RBM46: variants seen among roughly 807,000 people sequenced by gnomAD.
RBM46 encodes probable RNA-binding protein 46.
In RBM46, 12 loss-of-function variants were observed where a neutral mutation model predicts 43.3. The observed-to-expected ratio is 0.28, with a 90% CI of 0.18 to 0.45. The LOEUF (loss-of-function observed/expected upper bound fraction) is 0.45. Ranked by LOEUF, RBM46 falls within the 20% of genes least tolerant of loss-of-function variation. The pLI is 1.00. For synonymous variants in RBM46, 205 were observed against 207.6 expected (o/e 0.99, Z 0.11); for missense variants, 412 against 639.1 (o/e 0.64, Z 3.83).
At chr4:154,795,949 G>A (rs1734331285) in intron 1 of RBM46, among the ~76,000 whole-genome samples, 1 of 152,102 alleles carries the variant, frequency 6.6e-6, no homozygotes, top group African/African-American at 2.4e-5. Context: ...CTTGAGCTCA[G>A]GAGTTTGAGA....
chr4:154,800,521 A>G (rs1311207008), intron 4 of RBM46, among the ~76,000 whole-genome samples: 1 of 152,220 alleles, frequency 6.6e-6, no homozygotes, highest in African/African-American at 2.4e-5. Flanking sequence ...AAGATATGCT[A>G]ACTAAATATT....
chr4:154,808,564 A>G (rs1735025802), intron 4 of RBM46, among the ~76,000 whole-genome samples: 1 of 151,828 alleles, frequency 6.6e-6, no homozygotes, highest in Admixed American at 6.6e-5. Context: ...ATGTATGTGG[A>G]CGGCTTTTTT....
chr4:154,807,917 T>C (rs934337716), intron 4 of RBM46, among the ~76,000 whole-genome samples: 23 of 152,116 alleles, frequency 1.5e-4, no homozygotes, highest in African/African-American at 3.8e-4. Context: ...GGCCTGCATA[T>C]GAAATTTTAT....
intron 1 of RBM46, among the ~76,000 whole-genome samples, chr4:154,783,089 A>C (rs1733582348): frequency 6.6e-6 from 1 of 152,136 alleles, no homozygotes; most frequent in African/African-American, 2.4e-5. Context: ...CTTTGTTTGC[A>C]TCTGTCTGCA....
At chr4:154,790,125 C>T (rs999582441) in intron 1 of RBM46, among the ~76,000 whole-genome samples, 9 of 152,158 alleles carry the variant, frequency 5.9e-5, no homozygotes, top group Admixed American at 2.6e-4. Context: ...AAACCAGCTC[C>T]TGGGTTCATT....
chr4:154,820,267 G>T, intron 4 of RBM46: 1 of 698,656 alleles, frequency 1.4e-6, no homozygotes, highest in South Asian at 2.7e-5. Flanking sequence ...TGATCAAAAG[G>T]TTTTTAACTA....
In RBM46 at chr4:154,796,046, C is replaced by T. The variant is rs576571174; in HGVS notation, c.-11-696C>T. ...AGCCAGGCATGGTGGTGTGTGCCTG[C>T]AGTCCCAGCTACTTGGGGGACTGAG... On this transcript the variant is annotated intron_variant, in intron 1 of 4. Coordinates refer to ENST00000281722, the MANE Select transcript of RBM46 (RefSeq NM_144979.5). Among the ~76,000 whole-genome samples, 8 of 152,178 alleles carry T rather than the reference C, an allele frequency of 5.3e-5. No individual in the cohort carries two copies. The South Asian group carries it at 1.7e-3, about 32-fold the overall frequency.
At position 154,798,106 on chromosome 4, in the gene RBM46, C is replaced by A; in HGVS notation, c.447C>A (p.Pro149=). The change falls in exon 3 of 5, where the codon CCC becomes CCA. Residue 149 remains proline (P), a synonymous_variant. Transcript: ENST00000281722. ...GTAGATTATTTATTGGAGCTATTCC[C>A]AAGGAAAAGAAGAAAGAAGAAATTT... ...DNCRLFIGAI[P]KEKKKEEILD... The A allele has an allele frequency of 6.2e-7, 1 of 1,613,480 alleles. No homozygotes were observed. The highest frequency in any genetic ancestry group is 1.1e-5 in the South Asian group (1 of 91,012).
At chr4:154,801,287 C>CA (rs1734626809) in intron 4 of RBM46, among the ~76,000 whole-genome samples, 1 of 152,052 alleles carries the variant, frequency 6.6e-6, no homozygotes, top group African/African-American at 2.4e-5. Context: ...GAGATATCAG[C>CA]AAAACTTGTG....
At chr4:154,809,067 T>TAGGC (rs10644795) in intron 4 of RBM46, among the ~76,000 whole-genome samples, 1 of 151,466 alleles carries the variant, frequency 6.6e-6, no homozygotes, top group Admixed American at 6.6e-5. Flanking sequence ...ACTTAGTAGA[T>TAGGC]TTAAGATTTT....
intron 1 of RBM46, among the ~76,000 whole-genome samples, chr4:154,784,489 T>C (rs897463398): frequency 6.6e-6 from 1 of 152,234 alleles, no homozygotes. Flanking sequence ...TTGAATAGCT[T>C]GTGATTTGCT....
chr4:154,812,500 C>T (rs934478400), intron 4 of RBM46, among the ~76,000 whole-genome samples: 3 of 152,136 alleles, frequency 2.0e-5, no homozygotes, highest in African/African-American at 7.2e-5. Flanking sequence ...ATGTCTTTCC[C>T]CCATCCAGAT....
chr4:154,827,094 T>C (rs548797739), intron 4 of RBM46: 14 of 1,091,112 alleles, frequency 1.3e-5, no homozygotes, highest in Admixed American at 4.9e-5. Flanking sequence ...CACACACACA[T>C]ATAAATGTTG....
intron 1 of RBM46, among the ~76,000 whole-genome samples, chr4:154,795,011 T>C (rs1734281966): frequency 6.6e-6 from 1 of 152,198 alleles, no homozygotes; most frequent in African/African-American, 2.4e-5. Context: ...TAGAATATAG[T>C]TGGTCCTTAA....
chr4:154,812,833 C>G (rs940354152), intron 4 of RBM46, among the ~76,000 whole-genome samples: 1 of 152,172 alleles, frequency 6.6e-6, no homozygotes, highest in African/African-American at 2.4e-5. Flanking sequence ...ATTGGTAGGT[C>G]TAGGCCTTTC....
Position 154,819,155 on chromosome 4 carries a change from C to T in RBM46, c.1403-8713C>T, listed in dbSNP as rs116630725. Among the ~76,000 whole-genome samples, 346 of 152,142 alleles carry T rather than the reference C, an allele frequency of 2.3e-3. 4 individuals carry two copies. Among genetic ancestry groups the T allele is most frequent in the African/African-American group, 8.0e-3 (333 of 41,510 alleles). On this transcript the variant is annotated intron_variant, in intron 4 of 4. Transcript: ENST00000281722. Reference sequence around the variant, plus strand: ...TGTGGAGACAATTTGAAGGCTAGCACGATGTTATATTTATTCATAGAAGAT... The same window carrying T: ...TGTGGAGACAATTTGAAGGCTAGCATGATGTTATATTTATTCATAGAAGAT...
Position 154,826,149 on chromosome 4 carries a change from T to TAA in RBM46, c.1403-1707_1403-1706dup, listed in dbSNP as rs370010655. ...ACCCTTCAGGTGAAGTGGATCCTTTTAAAAAAAAAAAAAGAAAAAAAAAAA... is the reference window on the plus strand; with the variant it reads ...ACCCTTCAGGTGAAGTGGATCCTTTTAAAAAAAAAAAAAAAGAAAAAAAAAAA... On this transcript the variant is annotated intron_variant, in intron 4 of 4. Coordinates refer to ENST00000281722, the MANE Select transcript of RBM46 (RefSeq NM_144979.5). 5.5e-4 allele frequency among the ~76,000 whole-genome samples: 77 copies of TAA among 139,076 alleles called. 2 individuals are homozygous for TAA. In the Middle Eastern group the frequency reaches 0.014, roughly 26 times the overall value. The allele number at this position is 139,076 out of a possible 152,430, so 91.2% of individuals were successfully genotyped here. A position where few individuals can be genotyped will look rare whatever the true frequency, so the allele number is the denominator to read the frequency against.
chr4:154,785,465 G>A (rs1010938446), intron 1 of RBM46, among the ~76,000 whole-genome samples: 13 of 151,904 alleles, frequency 8.6e-5, no homozygotes, highest in Admixed American at 6.6e-4. Flanking sequence ...GATAAAACGG[G>A]AGCATATTTA....
Position 154,797,795 on chromosome 4 carries a change from C to T in RBM46, c.152-16C>T, listed in dbSNP as rs750768694. ...TCCAATTAGAATTTATGTGTCTTTT[C>T]ATTTTTGTCGTTCAGGTTGGGAAGG... On this transcript the variant is annotated splice_polypyrimidine_tract_variant and intron_variant, in intron 2 of 4. Transcript: ENST00000281722. 8 of 1,458,304 alleles carry T rather than the reference C, an allele frequency of 5.5e-6. No individual in the cohort carries two copies. The South Asian group carries it at 5.7e-5, about 10-fold the overall frequency. 90.3% of individuals were successfully genotyped at this position (1,458,304 alleles called of 1,614,324 possible).
Sources: gnomAD v4.1 joint callset for allele counts (sites outside exome capture counted in the v4.1 genomes callset) on GRCh38, gnomAD v4.1.1 for gene constraint, MANE v1.5 for transcripts, NCBI Gene and HGNC (gene_info 2026-07-23, HGNC 2026-07-21) for gene names.